The following ZNF423 variants were observed in gnomAD, a reference collection of about 807,000 sequenced individuals.
ZNF423 encodes the protein zinc finger protein 423.
Under a neutral mutation model 95.8 loss-of-function variants are expected in ZNF423, and 12 were observed. That is an observed-to-expected ratio of 0.13 (90% CI 0.08 to 0.20). The LOEUF (loss-of-function observed/expected upper bound fraction) is 0.20, where lower values mean the gene tolerates loss of function less well. ZNF423 is among the 10% of genes least tolerant of loss of function. ZNF423 has a pLI of 1.00. For missense variants in ZNF423, 1,316 were observed against 1,737.1 expected (o/e 0.76, Z 4.31); for synonymous variants, 749 against 711.9 (o/e 1.05, Z -0.83).
chr16:49,552,969 G>A (rs1262005465), intron 5 of ZNF423, among the ~76,000 whole-genome samples: 1 of 152,108 alleles, frequency 6.6e-6, no homozygotes, highest in Non-Finnish European at 1.5e-5. Flanking sequence ...CAAACAGGAG[G>A]CCCAGGGCAG....
intron 3 of ZNF423, among the ~76,000 whole-genome samples, chr16:49,658,880 G>A (rs2030042642): frequency 6.6e-6 from 1 of 152,196 alleles, no homozygotes. Context: ...GCCTGTCCCT[G>A]CTTTCTCAGC....
At chr16:49,694,688 G>C (rs1260264112) in intron 3 of ZNF423, among the ~76,000 whole-genome samples, 1 of 152,186 alleles carries the variant, frequency 6.6e-6, no homozygotes, top group Non-Finnish European at 1.5e-5. Flanking sequence ...GGCCTCCAAG[G>C]GAAAGGAAGG....
chr16:49,638,600 G>A lies in ZNF423; in HGVS notation c.576C>T (p.His192=), dbSNP rs919940498. The change falls in exon 4 of 8, where the codon CAC becomes CAT. Residue 192 remains histidine (H), a synonymous_variant. Coordinates refer to ENST00000563137, the MANE Select transcript of ZNF423 (RefSeq NM_001379286.1). This position sits in a 1 kb window ranked among gnomAD's most constrained non-coding sequence, Gnocchi z 5.6. ...LFKHKRSRDR[H]IKLHTGDKKY... ...TCTTGTCGCCCGTATGCAGCTTGAT[G>A]TGCCGGTCACGGCTCCTCTTGTGCT... 1 of 1,613,882 alleles carries A rather than the reference G, an allele frequency of 6.2e-7. No individual in the cohort carries two copies. The highest frequency in any genetic ancestry group is 8.5e-7 in the Non-Finnish European group (1 of 1,179,968).
At chr16:49,528,767 G>A (rs1464500050) in intron 5 of ZNF423, among the ~76,000 whole-genome samples, 1 of 151,880 alleles carries the variant, frequency 6.6e-6, no homozygotes, top group East Asian at 1.9e-4. Context: ...AAAACAGGGG[G>A]AGGGCCGGGG....
chr16:49,537,947 C>T lies in ZNF423; in HGVS notation c.3602-12453G>A, dbSNP rs145670822. ...AGATGGGGGGTCTGCCACCTCTGGG[C>T]GGCTTAGACCCCATTGCCAGCTCCC... On this transcript the variant is annotated intron_variant, in intron 5 of 7. Transcript: ENST00000563137. Among the ~76,000 whole-genome samples, 846 of 152,278 alleles carry T rather than the reference C, an allele frequency of 5.6e-3. 8 individuals carry two copies. The highest frequency in any genetic ancestry group is 0.02 in the African/African-American group (822 of 41,544).
intron 7 of ZNF423, among the ~76,000 whole-genome samples, chr16:49,491,796 C>G (rs1048735448): frequency 2.6e-5 from 4 of 152,160 alleles, no homozygotes; most frequent in African/African-American, 9.7e-5. Context: ...GTGCAGCTCT[C>G]CGGCCAAGAA....
chr16:49,731,078 C>A, intron 2 of ZNF423, 107 bp from the exon 3 acceptor site: 1 of 1,313,144 alleles, frequency 7.6e-7, no homozygotes, highest in East Asian at 2.3e-5. Flanking sequence ...CTCTACCTCC[C>A]GGGGTCCATT....
intron 2 of ZNF423, among the ~76,000 whole-genome samples, chr16:49,753,125 T>A (rs1013689278): frequency 1.3e-5 from 2 of 151,534 alleles, no homozygotes; most frequent in Non-Finnish European, 1.5e-5. Flanking sequence ...GAGCCTGTAG[T>A]CCCAGCTACT....
At chr16:49,822,766 T>C (rs1327800830) in intron 1 of ZNF423, 3 of 1,578,206 alleles carry the variant, frequency 1.9e-6, no homozygotes, top group Non-Finnish European at 2.6e-6. Flanking sequence ...AAATTTCTTA[T>C]TGCAGGCTAG....
chr16:49,664,043 C>G lies in ZNF423; in HGVS notation c.302-25169G>C, dbSNP rs371560005. On this transcript the variant is annotated intron_variant, in intron 3 of 7. Transcript: ENST00000563137. ...CCAGCCTGTTTTATTCATTCTTCCC[C>G]CTTCCAACCCAGCCACCCCCTCATC... 13 of 984,474 alleles carry G rather than the reference C, an allele frequency of 1.3e-5. No individual in the cohort carries two copies. The South Asian group carries it at 4.2e-4, about 32-fold the overall frequency. The allele number at this position is 984,474 out of a possible 1,614,324, so 61.0% of individuals were successfully genotyped here.
chr16:49,575,821 CACACTCTGAG>C (rs1443074801), intron 5 of ZNF423, among the ~76,000 whole-genome samples: 5 of 152,200 alleles, frequency 3.3e-5, no homozygotes, highest in African/African-American at 1.2e-4. Context: ...GTACTTCTCG[CACACTCTGAG>C]ACACTGCAGA....
intron 1 of ZNF423, among the ~76,000 whole-genome samples, chr16:49,807,530 G>A (rs545974394): frequency 4.6e-5 from 7 of 152,124 alleles, no homozygotes; most frequent in East Asian, 3.9e-4. Context: ...AAGACACCCC[G>A]GGGTAGGGGC....
chr16:49,649,300 T>A (rs1973298834), intron 3 of ZNF423, among the ~76,000 whole-genome samples: 1 of 152,136 alleles, frequency 6.6e-6, no homozygotes, highest in Non-Finnish European at 1.5e-5. Context: ...CTCTTTGTGC[T>A]TTCATTTCCC....
chr16:49,488,979 C>T lies in ZNF423; in HGVS notation c.*2296G>A, dbSNP rs1321943353. The T allele has an allele frequency of 6.6e-6, 1 of 152,288 alleles. No homozygotes were observed. Among genetic ancestry groups the T allele is most frequent in the Non-Finnish European group, 1.5e-5 (1 of 68,166 alleles). The allele number at this position is 152,288 out of a possible 1,614,324, so 9.4% of individuals were successfully genotyped here. ...GCTGCCTTGTCACCGCCATAAACCT[C>T]ATTACCTCACGGTCCCCTAGGCCGC... On this transcript the variant is annotated 3_prime_UTR_variant, in exon 8 of 8. Coordinates refer to ENST00000563137, the MANE Select transcript of ZNF423 (RefSeq NM_001379286.1).
intron 5 of ZNF423, among the ~76,000 whole-genome samples, chr16:49,600,591 C>T (rs1971333176): frequency 1.3e-5 from 2 of 152,034 alleles, no homozygotes. Flanking sequence ...GGAAGGGCCC[C>T]CACAGCAGGG....
chr16:49,511,795 A>C (rs1318844966), intron 7 of ZNF423, among the ~76,000 whole-genome samples: 1 of 152,174 alleles, frequency 6.6e-6, no homozygotes, highest in East Asian at 1.9e-4. Context: ...ATGATGCCAC[A>C]CCTTATTAGG....
chr16:49,731,531 G>T, intron 2 of ZNF423: 1 of 224,400 alleles, frequency 4.5e-6, no homozygotes, highest in Non-Finnish European at 7.5e-6. Flanking sequence ...AATGCATCCA[G>T]GCTGGGCATG....
At chr16:49,743,861 G>A (rs576624574) in intron 2 of ZNF423, among the ~76,000 whole-genome samples, 1 of 152,296 alleles carries the variant, frequency 6.6e-6, no homozygotes, top group African/African-American at 2.4e-5. Flanking sequence ...ACAGCCTGGT[G>A]CGCAGCCACG....
intron 5 of ZNF423, among the ~76,000 whole-genome samples, chr16:49,568,026 G>A (rs1970246257): frequency 6.6e-6 from 1 of 152,232 alleles, no homozygotes; most frequent in Admixed American, 6.5e-5. Context: ...AATCATAGGT[G>A]AGCATGTGAT....
Sources: gnomAD v4.1 joint callset for allele counts (sites outside exome capture counted in the v4.1 genomes callset) on GRCh38, gnomAD v4.1.1 for gene constraint, Gnocchi (gnomAD v3.1) non-coding constraint, MANE v1.5 for transcripts, NCBI Gene and HGNC (gene_info 2026-07-23, HGNC 2026-07-21) for gene names.